Variants in DLK2 observed in about 807,000 individuals in gnomAD.
The protein encoded by DLK2 is protein delta homolog 2.
DLK2 carries 9 observed loss-of-function variants against 31.3 expected under a neutral mutation model. The observed-to-expected ratio is 0.29, with a 90% CI of 0.17 to 0.50. The LOEUF (loss-of-function observed/expected upper bound fraction) is 0.50, where lower values mean the gene tolerates loss of function less well. DLK2 is among the 20% of genes least tolerant of loss of function. DLK2 has a pLI of 0.98. For missense variants in DLK2, 387 were observed against 526.1 expected, an observed-to-expected ratio of 0.74 and a Z score of 2.59; for synonymous variants, 169 against 201.2, an observed-to-expected ratio of 0.84 and a Z score of 1.35.
chr6:43,450,426 G>T lies in DLK2; in HGVS notation c.*113C>A. On this transcript the variant is annotated 3_prime_UTR_variant, in exon 6 of 6. Transcript: ENST00000372488. This position sits in a 1 kb window ranked among gnomAD's most constrained non-coding sequence, Gnocchi z 4.5. ...ATTAAAAAAATAATATTTCTGGTGT[G>T]AGGCTGAGGTCTCCTCTGTGTGTGT... 1.7e-6 allele frequency: 2 copies of T among 1,203,458 alleles called. No individual in the cohort carries two copies. Among genetic ancestry groups the T allele is most frequent in the African/African-American group, 1.5e-5 (1 of 65,680 alleles). The allele number at this position is 1,203,458 out of a possible 1,614,324, so 74.5% of individuals were successfully genotyped here. A position where few individuals can be genotyped will look rare whatever the true frequency, so the allele number is the denominator to read the frequency against.
chr6:43,454,995 G>A, intron 1 of DLK2, 115 bp from the exon 2 acceptor site: 1 of 1,416,542 alleles, frequency 7.1e-7, no homozygotes, highest in Middle Eastern at 2.7e-4. Context: ...AGAAGGGGAT[G>A]GGGGTAGCGG....
At chr6:43,452,217 A>T in intron 4 of DLK2, 133 bp from the exon 5 acceptor site, 1 of 1,323,964 alleles carries the variant, frequency 7.6e-7, no homozygotes, top group South Asian at 1.5e-5. Flanking sequence ...CTGGCGTGGT[A>T]TGCTAGGGAG....
intron 4 of DLK2, among the ~76,000 whole-genome samples, chr6:43,452,798 A>G (rs1783824109): frequency 1.3e-5 from 2 of 152,194 alleles, no homozygotes; most frequent in Admixed American, 6.5e-5. Context: ...AATGAGTACA[A>G]TTTTTAGCAG....
At position 43,453,126 on chromosome 6, in the gene DLK2, C is replaced by T. The variant is rs369872772; in HGVS notation, c.150G>A (p.Pro50=). The T allele has an allele frequency of 3.1e-5, 50 of 1,601,200 alleles. No homozygotes were observed. In the Admixed American group the frequency reaches 4.4e-4, roughly 14 times the overall value. The part of the protein sequence containing the change: ...CAPDGSCRCD[P]GWEGLHCERC... ...GCTCACAGTGCAGCCCCTCCCAGCC[C>T]GGGTCACACCTGACGGGGAGAAGCA... Residue 50 remains proline, a synonymous_variant, in exon 4 of 6, where the codon CCG becomes CCA. Coordinates refer to ENST00000372488, the MANE Select transcript of DLK2 (RefSeq NM_023932.4). This position sits in a 1 kb window ranked among gnomAD's most constrained non-coding sequence, Gnocchi z 4.1.
At chr6:43,454,324 G>C in intron 3 of DLK2, 87 bp downstream of exon 3, 1 of 1,310,246 alleles carries the variant, frequency 7.6e-7, no homozygotes, top group Non-Finnish European at 1.1e-6. Flanking sequence ...GAAGAGTAGA[G>C]TCTGAAGCCC....
chr6:43,455,066 C>T (rs1207556493), intron 1 of DLK2, 186 bp from the exon 2 acceptor site: 1 of 985,008 alleles, frequency 1.0e-6, no homozygotes, highest in Non-Finnish European at 1.2e-6. Context: ...AAGACAGGAA[C>T]CCGGGAGCGG....
At chr6:43,455,751 A>G (rs1426753484), upstream of DLK2, among the ~76,000 whole-genome samples, 2 of 151,532 alleles carry the variant, frequency 1.3e-5, no homozygotes, top group South Asian at 2.1e-4. Flanking sequence ...AGAGGAGGAA[A>G]TCTTAGGAGT....
rs1783699858 is a variant in DLK2 at position 43,451,021 on chromosome 6, C to CT, written c.669dup (p.Gly224ArgfsTer25). ...TGGACACGGTCCCGACAGCGGGCCCCTCTCTGGCATGGGCGGCTGGCACAG... is the reference window on the plus strand; with the variant it reads ...TGGACACGGTCCCGACAGCGGGCCCCTTCTCTGGCATGGGCGGCTGGCACAG... On this transcript the variant is annotated frameshift_variant, in exon 6 of 6. Coordinates refer to ENST00000372488, the MANE Select transcript of DLK2 (RefSeq NM_023932.4). LOFTEE classifies it high-confidence loss of function. This position sits in a 1 kb window ranked among gnomAD's most constrained non-coding sequence, Gnocchi z 4.4. 1.2e-6 allele frequency: 2 copies of CT among 1,614,112 alleles called. No homozygotes were observed. The highest frequency in any genetic ancestry group is 4.5e-5 in the East Asian group (2 of 44,880).
chr6:43,450,436 T>A lies in DLK2; in HGVS notation c.*103A>T. 7.7e-7 allele frequency: 1 copy of A among 1,295,250 alleles called. No individual in the cohort carries two copies. The highest frequency in any genetic ancestry group is 1.6e-5 in the South Asian group (1 of 61,894). 80.2% of individuals were successfully genotyped at this position (1,295,250 alleles called of 1,614,324 possible). A position where few individuals can be genotyped will look rare whatever the true frequency, so the allele number is the denominator to read the frequency against. ...TAATATTTCTGGTGTGAGGCTGAGGTCTCCTCTGTGTGTGTACCCAAGCTG... is the reference window on the plus strand; with the variant it reads ...TAATATTTCTGGTGTGAGGCTGAGGACTCCTCTGTGTGTGTACCCAAGCTG... On this transcript the variant is annotated 3_prime_UTR_variant, in exon 6 of 6. Transcript: ENST00000372488. The surrounding 1 kb of genome is among the most constrained non-coding windows in gnomAD (Gnocchi z 4.5).
chr6:43,451,338 C>A lies in DLK2; in HGVS notation c.417-64G>T. 1 of 1,555,922 alleles carries A rather than the reference C, an allele frequency of 6.4e-7. No homozygotes were observed. The highest frequency in any genetic ancestry group is 2.3e-5 in the East Asian group (1 of 43,510). On this transcript the variant is annotated intron_variant, in intron 5 of 5. Transcript: ENST00000372488. The surrounding 1 kb of genome is among the most constrained non-coding windows in gnomAD (Gnocchi z 4.4). ...CCAACACCTGTAGGGCAGCCCAGGT[C>A]AGTATCCTGACCACTGCCCGCCATG...
Position 43,450,478 on chromosome 6 carries a change from G to T in DLK2, c.*61C>A. ...CCCAAGCTGAAGGGTGGTGAGAACG[G>T]ACCACTCCAGTCTGAGGGGTGGAAG... is the stretch of plus-strand genomic sequence containing the variant. On this transcript the variant is annotated 3_prime_UTR_variant, in exon 6 of 6. Transcript: ENST00000372488. The surrounding 1 kb of genome is among the most constrained non-coding windows in gnomAD (Gnocchi z 4.5). 2 of 1,503,912 alleles carry T rather than the reference G, an allele frequency of 1.3e-6. No individual in the cohort carries two copies. The highest frequency in any genetic ancestry group is 2.7e-5 in the South Asian group (2 of 73,814). The allele number at this position is 1,503,912 out of a possible 1,614,324, so 93.2% of individuals were successfully genotyped here.
At chr6:43,454,710 C>A (rs961609027) in intron 2 of DLK2, 40 bp downstream of exon 2, 21 of 1,538,232 alleles carry the variant, frequency 1.4e-5, no homozygotes, top group Non-Finnish European at 1.7e-5. Context: ...GCGAGGACGG[C>A]TGGACAGGGC....
chr6:43,451,360 CAT>C lies in DLK2; in HGVS notation c.417-88_417-87del. 6.7e-7 allele frequency: 1 copy of C among 1,499,082 alleles called. No homozygotes were observed. The highest frequency in any genetic ancestry group is 9.0e-7 in the Non-Finnish European group (1 of 1,115,650). The allele number at this position is 1,499,082 out of a possible 1,614,324, so 92.9% of individuals were successfully genotyped here. On this transcript the variant is annotated intron_variant, in intron 5 of 5. Transcript: ENST00000372488. The surrounding 1 kb of genome is among the most constrained non-coding windows in gnomAD (Gnocchi z 4.4). ...GGTCAGTATCCTGACCACTGCCCGC[CAT>C]GTCATCTTGGGCTACACACTCCGAG...
At chr6:43,455,036 C>A (rs906295755) in intron 1 of DLK2, 156 bp from the exon 2 acceptor site, 1 of 984,670 alleles carries the variant, frequency 1.0e-6, no homozygotes, top group Non-Finnish European at 1.2e-6. Flanking sequence ...GTTGAGCAGG[C>A]GAAGAGAGCG....
rs373893995 is a variant in DLK2, at chr6:43,451,040, G to T, written c.651C>A (p.Ala217=). 1.9e-6 allele frequency: 3 copies of T among 1,614,122 alleles called. No homozygotes were observed. Among genetic ancestry groups the T allele is most frequent in the Non-Finnish European group, 2.5e-6 (3 of 1,180,046 alleles). Residue 217 remains alanine (A), a synonymous_variant, in exon 6 of 6, where the codon GCC becomes GCA. Coordinates refer to ENST00000372488, the MANE Select transcript of DLK2 (RefSeq NM_023932.4). This position sits in a 1 kb window ranked among gnomAD's most constrained non-coding sequence, Gnocchi z 4.4. ...RFCTINLDDC[A]SRPCQRGARC... ...GGGCCCCTCTCTGGCATGGGCGGCT[G>T]GCACAGTCATCCAGGTTGATGGTGC...
intron 1 of DLK2, 179 bp downstream of exon 1, chr6:43,455,216 C>T: frequency 2.3e-6 from 1 of 442,940 alleles, no homozygotes; most frequent in Non-Finnish European, 3.0e-6. Context: ...GGAGGGGACG[C>T]GGGGGCCGGA....
intron 2 of DLK2, 102 bp from the exon 3 acceptor site, chr6:43,454,576 C>T: frequency 3.7e-6 from 5 of 1,367,526 alleles, no homozygotes; most frequent in Non-Finnish European, 5.1e-6. Context: ...TGAGCGGACT[C>T]AACCCTAGGG....
In DLK2 at chr6:43,454,810, G is replaced by A; in HGVS notation, c.16C>T (p.Arg6Cys). The A allele has an allele frequency of 6.4e-7, 1 of 1,552,716 alleles. No individual in the cohort carries two copies. Among genetic ancestry groups the A allele is most frequent in the Admixed American group, 1.9e-5 (1 of 51,898 alleles). The change falls in exon 2 of 6, where the codon CGC (arginine) becomes TGC (cysteine). Residue 6 changes from arginine to cysteine, a missense_variant. Coordinates refer to ENST00000372488, the MANE Select transcript of DLK2 (RefSeq NM_023932.4). ...AACAGGCACACGAGATGCAGGCAGC[G>A]GCAGCCGCTGGGCATGGTCAGCGCC... is the stretch of plus-strand genomic sequence containing the variant. MPSGC[R>C]CLHLVCLLCI...
At chr6:43,455,051 G>C in intron 1 of DLK2, 171 bp from the exon 2 acceptor site, 2 of 985,162 alleles carry the variant, frequency 2.0e-6, no homozygotes, top group South Asian at 9.4e-5. Flanking sequence ...AGAGCGAGGA[G>C]AGCGAAGACA....
Sources: gnomAD v4.1 joint callset for allele counts (sites outside exome capture counted in the v4.1 genomes callset) on GRCh38, gnomAD v4.1.1 for gene constraint, Gnocchi (gnomAD v3.1) non-coding constraint, MANE v1.5 for transcripts, NCBI Gene and HGNC (gene_info 2026-07-23, HGNC 2026-07-21) for gene names.